Variants in FGD4 observed in about 807,000 individuals in gnomAD.
FGD4 encodes the protein FYVE, RhoGEF and PH domain containing 4, also known as FYVE, RhoGEF and PH domain-containing protein 4.
Under a neutral mutation model 102.0 loss-of-function variants are expected in FGD4, and 42 were observed. That is an observed-to-expected ratio of 0.41 (90% CI 0.32 to 0.53). The LOEUF is 0.53. Among genes scored for constraint, FGD4 ranks in the 20% least tolerant of loss-of-function variants. The pLI is 0.21. For missense variants in FGD4, 902 were observed against 1,078.2 expected, an observed-to-expected ratio of 0.84 and a Z score of 2.29; for synonymous variants, 380 against 375.7, an observed-to-expected ratio of 1.01 and a Z score of -0.13.
In FGD4 at chr12:32,640,535, CT is replaced by C; in HGVS notation, c.*3del. On this transcript the variant is annotated 3_prime_UTR_variant, in exon 17 of 17. Coordinates refer to ENST00000534526, the MANE Select transcript of FGD4 (RefSeq NM_001370298.3). The stretch of plus-strand genomic sequence containing the variant: ...CCTAAGAAAAAATCAGAATGCTGAA[CT>C]CCTCCAGGACCAGCCATGGTGTGGA... The C allele has an allele frequency of 6.2e-7, 1 of 1,613,580 alleles. No individual in the cohort carries two copies.
intron 1 of FGD4, among the ~76,000 whole-genome samples, chr12:32,543,115 T>G (rs533990158): frequency 3.1e-4 from 47 of 152,328 alleles, no homozygotes; most frequent in African/African-American, 1.1e-3. Context: ...TCATCAGATT[T>G]AATAATTTGC....
At position 32,531,567 on chromosome 12, in the gene FGD4, C is replaced by T. The variant is rs561030876; in HGVS notation, c.167-32570C>T. Among the ~76,000 whole-genome samples the T allele has an allele frequency of 2.2e-4, 33 of 152,312 alleles. 1 individual carries two copies. The South Asian group carries it at 6.4e-3, about 30-fold the overall frequency. On this transcript the variant is annotated intron_variant, in intron 1 of 16. Transcript: ENST00000534526. Reference sequence around the variant, plus strand: ...TTTATCACATATGTGTAGCCCTTTACGTTGGCTTCTTTCTAATGCACATGC... The same window carrying T: ...TTTATCACATATGTGTAGCCCTTTATGTTGGCTTCTTTCTAATGCACATGC...
intron 2 of FGD4, among the ~76,000 whole-genome samples, chr12:32,564,898 C>T (rs1254480518): frequency 6.6e-6 from 1 of 152,134 alleles, no homozygotes; most frequent in East Asian, 1.9e-4. Context: ...TGGGTATTAA[C>T]TTTGAGAAGC....
chr12:32,472,528 C>T (rs535823652), intron 1 of FGD4, among the ~76,000 whole-genome samples: 2 of 152,370 alleles, frequency 1.3e-5, no homozygotes, highest in East Asian at 1.9e-4. Context: ...TGCCTTTCCA[C>T]GGGGCAGGGC....
chr12:32,525,591 G>GC (rs1226312115), intron 1 of FGD4, among the ~76,000 whole-genome samples: 34 of 152,240 alleles, frequency 2.2e-4, no homozygotes, highest in East Asian at 1.9e-4. Context: ...GATCCCTTCA[G>GC]TCCCCCACTG....
At chr12:32,416,290 G>A (rs1248702671) in intron 1 of FGD4, among the ~76,000 whole-genome samples, 1 of 152,174 alleles carries the variant, frequency 6.6e-6, no homozygotes, top group Non-Finnish European at 1.5e-5. Flanking sequence ...GTGAGCGACT[G>A]TACCTGGCCA....
chr12:32,399,700 G>T lies in FGD4; in HGVS notation c.-94G>T, dbSNP rs780485553. ...CAGTAGAGGGCGCCCCCGGAGTCGC[G>T]CCGAACCTGGGCATGCAGGCGACGC... On this transcript the variant is annotated 5_prime_UTR_variant, in exon 1 of 17. Transcript: ENST00000534526. The T allele has an allele frequency of 6.8e-7, 1 of 1,472,772 alleles. No homozygotes were observed. The highest frequency in any genetic ancestry group is 8.9e-7 in the Non-Finnish European group (1 of 1,122,028). 91.2% of individuals were successfully genotyped at this position (1,472,772 alleles called of 1,614,324 possible).
intron 7 of FGD4, among the ~76,000 whole-genome samples, chr12:32,604,935 G>GTTTTTTTT (rs1565897132): frequency 1.5e-4 from 11 of 74,934 alleles, no homozygotes; most frequent in Admixed American, 2.7e-4. Context: ...CTTTATAGCT[G>GTTTTTTTT]CTTTTTTTTT....
chr12:32,533,704 C>T (rs962678882), intron 1 of FGD4, among the ~76,000 whole-genome samples: 1 of 152,182 alleles, frequency 6.6e-6, no homozygotes, highest in East Asian at 1.9e-4. Flanking sequence ...AGATTACAGG[C>T]GTTAGCCGCC....
intron 15 of FGD4, among the ~76,000 whole-genome samples, chr12:32,634,181 G>A (rs1312290759): frequency 6.6e-6 from 1 of 152,006 alleles, no homozygotes; most frequent in East Asian, 1.9e-4. Flanking sequence ...ATTTAAGAAT[G>A]AAATACATTG....
chr12:32,552,434 ATTTTTTTTTTTT>A (rs66646521), intron 1 of FGD4, among the ~76,000 whole-genome samples: 27,741 of 121,168 alleles, frequency 0.23, 3,034 homozygotes, highest in Admixed American at 0.3. Flanking sequence ...TAATTTTTGC[ATTTTTTTTTTTT>A]TTTTTTTTTT....
chr12:32,615,062 T>C (rs1949364171), intron 10 of FGD4, among the ~76,000 whole-genome samples: 1 of 152,190 alleles, frequency 6.6e-6, no homozygotes, highest in Admixed American at 6.5e-5. Flanking sequence ...AGCCAAAAAA[T>C]TTGAGACAAC....
chr12:32,492,428 CAAT>C (rs1944131532), intron 1 of FGD4, among the ~76,000 whole-genome samples: 1 of 152,168 alleles, frequency 6.6e-6, no homozygotes. Context: ...ATGTGTCACA[CAAT>C]AACTTTCAGA....
intron 2 of FGD4, chr12:32,574,667 C>A (rs1414877726): frequency 6.6e-6 from 1 of 152,102 alleles, no homozygotes; most frequent in African/African-American, 2.4e-5. Context: ...ACTTGTAGTT[C>A]ATTGTGACAT....
intron 1 of FGD4, among the ~76,000 whole-genome samples, chr12:32,422,807 A>G (rs552411487): frequency 6.6e-6 from 1 of 152,180 alleles, no homozygotes; most frequent in Non-Finnish European, 1.5e-5. Context: ...CTTCTTAATT[A>G]TAAACTTGAG....
intron 3 of FGD4, among the ~76,000 whole-genome samples, chr12:32,579,349 A>T (rs1399024706): frequency 6.6e-6 from 1 of 151,998 alleles, no homozygotes; most frequent in East Asian, 1.9e-4. Flanking sequence ...CGGCCGGAAC[A>T]TTGGTTTTTC....
At chr12:32,633,486 T>G (rs769488866) in intron 14 of FGD4, 63 bp from the exon 15 acceptor site, 16 of 1,523,214 alleles carry the variant, frequency 1.1e-5, no homozygotes, top group Non-Finnish European at 1.4e-5. Flanking sequence ...TACCTATAAC[T>G]GATTACTGCT....
intron 15 of FGD4, among the ~76,000 whole-genome samples, chr12:32,634,988 A>G (rs551180998): frequency 0.051 from 2,143 of 41,798 alleles, 55 homozygotes; most frequent in African/African-American, 0.29. Context: ...CTCTGTCTCA[A>G]AAAAAAAAGA....
intron 1 of FGD4, among the ~76,000 whole-genome samples, chr12:32,504,598 C>T (rs1316346986): frequency 6.6e-6 from 1 of 152,202 alleles, no homozygotes; most frequent in Non-Finnish European, 1.5e-5. Context: ...TTCCAACTGT[C>T]TGAGGGCTTG....
Sources: gnomAD v4.1 joint callset for allele counts (sites outside exome capture counted in the v4.1 genomes callset) on GRCh38, gnomAD v4.1.1 for gene constraint, MANE v1.5 for transcripts, NCBI Gene and HGNC (gene_info 2026-07-23, HGNC 2026-07-21) for gene names.